Variants in SKAP2 observed in about 807,000 individuals in gnomAD.
SKAP2 encodes src kinase associated phosphoprotein 2.
A neutral mutation model predicts 54.9 loss-of-function variants in SKAP2; 28 were observed. The ratio of observed to expected loss-of-function variants is 0.51; its 90% CI spans 0.38 to 0.70. The LOEUF is 0.70. Among genes scored for constraint, SKAP2 ranks in the 30% least tolerant of loss-of-function variants. The pLI is 0.00. For missense variants in SKAP2, 356 were observed against 424.1 expected (o/e 0.84, Z 1.41); for synonymous variants, 137 against 134.3 (o/e 1.02, Z -0.14).
chr7:26,674,478 T>C (rs1435295670), intron 11 of SKAP2, among the ~76,000 whole-genome samples: 2 of 152,200 alleles, frequency 1.3e-5, no homozygotes, highest in African/African-American at 2.4e-5. Flanking sequence ...TTCAAAAGGT[T>C]ATCTTTATAA....
chr7:26,763,544 A>C (rs1023712), intron 4 of SKAP2, among the ~76,000 whole-genome samples: 45,051 of 152,028 alleles, frequency 0.3, 6,955 homozygotes, highest in Non-Finnish European at 0.34. Context: ...ATAGATAATA[A>C]GTATCTCACA....
intron 9 of SKAP2, among the ~76,000 whole-genome samples, chr7:26,714,937 A>G (rs1204087828): frequency 6.6e-6 from 1 of 152,130 alleles, no homozygotes; most frequent in Non-Finnish European, 1.5e-5. Context: ...CTCCAGTTTA[A>G]AAGTCTGATA....
At chr7:26,695,383 T>C (rs1412463038) in intron 9 of SKAP2, among the ~76,000 whole-genome samples, 2 of 152,240 alleles carry the variant, frequency 1.3e-5, no homozygotes, top group African/African-American at 4.8e-5. Flanking sequence ...AACTAAATCC[T>C]CCAACAATTC....
At chr7:26,736,080 A>G (rs910636431) in intron 6 of SKAP2, among the ~76,000 whole-genome samples, 32 of 152,256 alleles carry the variant, frequency 2.1e-4, no homozygotes, top group African/African-American at 7.7e-4. Context: ...TTTAAAGTGG[A>G]AGTGTCAGAG....
At chr7:26,823,969 C>A (rs556828404) in intron 4 of SKAP2, among the ~76,000 whole-genome samples, 1 of 152,158 alleles carries the variant, frequency 6.6e-6, no homozygotes, top group Non-Finnish European at 1.5e-5. Context: ...TGGAATATAA[C>A]ATAATCGTAG....
chr7:26,765,320 TG>T (rs1783027644), intron 4 of SKAP2, among the ~76,000 whole-genome samples: 1 of 150,278 alleles, frequency 6.7e-6, no homozygotes, highest in African/African-American at 2.5e-5. Context: ...CACTTTTTGA[TG>T]TTTTTTTTTC....
intron 10 of SKAP2, among the ~76,000 whole-genome samples, chr7:26,686,853 G>A (rs1202752298): frequency 6.6e-6 from 1 of 152,082 alleles, no homozygotes; most frequent in Non-Finnish European, 1.5e-5. Flanking sequence ...TAACTGGCCA[G>A]GAGGTAAAAG....
chr7:26,802,325 G>A (rs183401034), intron 4 of SKAP2, among the ~76,000 whole-genome samples: 3 of 143,322 alleles, frequency 2.1e-5, no homozygotes, highest in East Asian at 4.3e-4. Context: ...AGGCTGGAGT[G>A]TAATGGCATG....
chr7:26,664,471 A>C (rs749673227), downstream of SKAP2, among the ~76,000 whole-genome samples: 14 of 151,952 alleles, frequency 9.2e-5, no homozygotes, highest in Non-Finnish European at 1.9e-4. Flanking sequence ...ATTTGTTGGA[A>C]TTTTCTCCTC....
chr7:26,684,297 C>T (rs1321267373), intron 11 of SKAP2, among the ~76,000 whole-genome samples: 1 of 152,036 alleles, frequency 6.6e-6, no homozygotes, highest in East Asian at 1.9e-4. Flanking sequence ...TGCCGGAACA[C>T]CCAACATATT....
At chr7:26,826,935 G>A (rs1784503646) in intron 4 of SKAP2, among the ~76,000 whole-genome samples, 1 of 151,830 alleles carries the variant, frequency 6.6e-6, no homozygotes, top group Admixed American at 6.6e-5. Context: ...CATCTTATAA[G>A]ACATATTTTC....
chr7:26,676,961 T>C (rs539673234), intron 11 of SKAP2, among the ~76,000 whole-genome samples: 5 of 152,188 alleles, frequency 3.3e-5, no homozygotes, highest in Admixed American at 3.3e-4. Flanking sequence ...GAAGAGTAAG[T>C]AGTTGAGAGT....
At position 26,668,414 on chromosome 7, in the gene SKAP2, C is replaced by T. The variant is rs1322889859; in HGVS notation, c.*1252G>A. On this transcript the variant is annotated 3_prime_UTR_variant, in exon 13 of 13. Transcript: ENST00000345317. Reference sequence around the variant, plus strand: ...ATTATATGATTCTACAAATCTTGCTCAGGCAGCACAGAGTATAACTCAAAT... The same window carrying T: ...ATTATATGATTCTACAAATCTTGCTTAGGCAGCACAGAGTATAACTCAAAT... The T allele has an allele frequency of 6.6e-6, 1 of 152,146 alleles. No individual in the cohort carries two copies. The highest frequency in any genetic ancestry group is 6.5e-5 in the Admixed American group (1 of 15,274). The allele number at this position is 152,146 out of a possible 1,614,324, so 9.4% of individuals were successfully genotyped here.
the SKAP2 span, among the ~76,000 whole-genome samples, chr7:26,658,852 G>T: frequency 6.7e-6 from 1 of 149,776 alleles, no homozygotes; most frequent in African/African-American, 2.5e-5. Flanking sequence ...ACTCCAAGTA[G>T]GAACAGATGA....
chr7:26,793,664 T>C (rs34790403), intron 4 of SKAP2, among the ~76,000 whole-genome samples: 5,004 of 152,290 alleles, frequency 0.033, 137 homozygotes, highest in Non-Finnish European at 0.05. Flanking sequence ...CAACAGGCTG[T>C]ATGACTTTGG....
intron 4 of SKAP2, among the ~76,000 whole-genome samples, chr7:26,753,857 T>C (rs941807815): frequency 6.6e-5 from 10 of 152,088 alleles, no homozygotes; most frequent in African/African-American, 2.4e-4. Context: ...GACAGAAGAA[T>C]GAGAAGCAAG....
chr7:26,844,835 C>T (rs1448802498), intron 3 of SKAP2, among the ~76,000 whole-genome samples: 1 of 152,036 alleles, frequency 6.6e-6, no homozygotes, highest in African/African-American at 2.4e-5. Flanking sequence ...TTTTAATGTT[C>T]TGGCCAGTTT....
intron 6 of SKAP2, among the ~76,000 whole-genome samples, chr7:26,733,801 G>A (rs547762518): frequency 2.0e-5 from 3 of 152,218 alleles, no homozygotes; most frequent in East Asian, 3.9e-4. Context: ...ACCATATGAT[G>A]TAAGAAATAA....
intron 9 of SKAP2, among the ~76,000 whole-genome samples, chr7:26,699,133 T>C (rs77228979): frequency 6.6e-6 from 1 of 152,202 alleles, no homozygotes; most frequent in Non-Finnish European, 1.5e-5. Context: ...GAAAAGTTCA[T>C]TGGTATGGTT....
Sources: gnomAD v4.1 joint callset for allele counts (sites outside exome capture counted in the v4.1 genomes callset) on GRCh38, gnomAD v4.1.1 for gene constraint, MANE v1.5 for transcripts, NCBI Gene and HGNC (gene_info 2026-07-23, HGNC 2026-07-21) for gene names.